The following IMMP1L variants were observed in gnomAD, a reference collection of about 807,000 sequenced individuals.
IMMP1L encodes the protein inner mitochondrial membrane peptidase subunit 1.
A neutral mutation model predicts 21.8 loss-of-function variants in IMMP1L; 24 were observed. The observed-to-expected ratio is 1.10, with a 90% CI of 0.80 to 1.55. The LOEUF (loss-of-function observed/expected upper bound fraction) is 1.55. Among genes scored for constraint, IMMP1L ranks in the 40% most tolerant of loss-of-function variants. The pLI is 0.00. For missense variants in IMMP1L, 195 were observed against 200.7 expected, an observed-to-expected ratio of 0.97 and a Z score of 0.17; for synonymous variants, 46 against 62.8, an observed-to-expected ratio of 0.73 and a Z score of 1.26.
At chr11:31,498,789 T>G (rs1158398314) in intron 1 of IMMP1L, among the ~76,000 whole-genome samples, 1 of 152,184 alleles carries the variant, frequency 6.6e-6, no homozygotes, top group Non-Finnish European at 1.5e-5. Context: ...TTTATGTGAC[T>G]CCATTAACTT....
Position 31,460,699 on chromosome 11 carries a change from T to G in IMMP1L, c.121A>C (p.Met41Leu). 6.2e-7 allele frequency: 1 copy of G among 1,607,308 alleles called. No homozygotes were observed. Among genetic ancestry groups the G allele is most frequent in the Non-Finnish European group, 8.5e-7 (1 of 1,174,216 alleles). The change falls in exon 3 of 6, where the codon ATG (methionine) becomes CTG (leucine). Residue 41 changes from methionine (M) to leucine (L), a missense_variant. Physicochemically the swap from Met to Leu is conservative, Grantham distance 15. Transcript: ENST00000532287. ...GGVVMCSGPS[M>L]EPTIQNSDIV... ...TCTGAATTTTGAATTGTAGGCTCCA[T>G]TGATGGTCCAGAACACTGAAAAGAG...
At chr11:31,477,962 C>G (rs559587525) in intron 1 of IMMP1L, among the ~76,000 whole-genome samples, 131 of 152,310 alleles carry the variant, frequency 8.6e-4, no homozygotes, top group Non-Finnish European at 1.3e-3. Context: ...AAAAAGGCAG[C>G]AGATTCTGCT....
chr11:31,507,338 T>A (rs945413671), intron 1 of IMMP1L, among the ~76,000 whole-genome samples: 1 of 152,172 alleles, frequency 6.6e-6, no homozygotes, highest in African/African-American at 2.4e-5. Context: ...ATATATATCC[T>A]AATTTCATGA....
intron 4 of IMMP1L, among the ~76,000 whole-genome samples, chr11:31,455,490 G>A (rs532819310): frequency 6.6e-6 from 1 of 152,234 alleles, no homozygotes; most frequent in South Asian, 2.1e-4. Flanking sequence ...TACTGTTCTT[G>A]CACTTTTTCT....
At chr11:31,488,778 G>A (rs1223099) in intron 1 of IMMP1L, among the ~76,000 whole-genome samples, 58,430 of 152,030 alleles carry the variant, frequency 0.38, 14,469 homozygotes, top group African/African-American at 0.71. Flanking sequence ...CAAAGGCAAA[G>A]CAATACGTTT....
intron 1 of IMMP1L, among the ~76,000 whole-genome samples, chr11:31,496,101 T>C (rs1171224472): frequency 1.1e-4 from 15 of 138,436 alleles, no homozygotes; most frequent in African/African-American, 4.4e-4. Flanking sequence ...AGAACTCCTA[T>C]AACTCAAAAA....
chr11:31,445,998 A>G (rs1953505936), intron 4 of IMMP1L, among the ~76,000 whole-genome samples: 1 of 152,176 alleles, frequency 6.6e-6, no homozygotes. Context: ...TGTAAAATTT[A>G]ATTGCCACAG....
chr11:31,443,297 G>C (rs1395847754), intron 4 of IMMP1L, among the ~76,000 whole-genome samples: 1 of 152,158 alleles, frequency 6.6e-6, no homozygotes, highest in Non-Finnish European at 1.5e-5. Context: ...TCAGTAAATA[G>C]TTGTTTACCC....
intron 3 of IMMP1L, 83 bp downstream of exon 3, chr11:31,460,537 TTAAAGA>T (rs1954102449): frequency 1.4e-6 from 1 of 717,072 alleles, no homozygotes; most frequent in South Asian, 1.9e-5. Context: ...GAAAGAGGTT[TTAAAGA>T]TAAAGTTAAG....
At chr11:31,491,390 G>A (rs555671038) in intron 1 of IMMP1L, among the ~76,000 whole-genome samples, 1 of 152,326 alleles carries the variant, frequency 6.6e-6, no homozygotes, top group Admixed American at 6.5e-5. Flanking sequence ...TCTCAAGAAG[G>A]AAATGAAGAA....
chr11:31,504,640 T>C lies in IMMP1L; in HGVS notation c.-30+4879A>G, dbSNP rs79181307. 1.1e-3 allele frequency among the ~76,000 whole-genome samples: 167 copies of C among 152,260 alleles called. No homozygotes were observed. In the East Asian group the frequency reaches 0.012, roughly 11 times the overall value. On this transcript the variant is annotated intron_variant, in intron 1 of 5. Transcript: ENST00000532287. ...AGAAATGGCCACAAATGGGAAACTATCCAAATCCCTTCTAACAGTAGAACA... is the reference window on the plus strand; with the variant it reads ...AGAAATGGCCACAAATGGGAAACTACCCAAATCCCTTCTAACAGTAGAACA...
intron 1 of IMMP1L, among the ~76,000 whole-genome samples, chr11:31,507,567 C>T (rs1312249959): frequency 6.6e-6 from 1 of 152,060 alleles, no homozygotes; most frequent in Non-Finnish European, 1.5e-5. Flanking sequence ...ATAAGTCAGA[C>T]ACAGAAAGAC....
At position 31,463,217 on chromosome 11, in the gene IMMP1L, G is replaced by A. The variant is rs767086495; in HGVS notation, c.60C>T (p.Gly20=). 1.2e-6 allele frequency: 2 copies of A among 1,611,944 alleles called. No individual in the cohort carries two copies. The highest frequency in any genetic ancestry group is 1.7e-6 in the Non-Finnish European group (2 of 1,178,618). The change falls in exon 2 of 6, where the codon GGC becomes GGT. Residue 20 remains glycine (G), a synonymous_variant. Transcript: ENST00000532287. ...FRLVGYTIQY[G]CIAHCAFEYV... ...ATTCAAAAGCACAATGAGCTATACA[G>A]CCATATTGAATAGTATAGCCAACAA... is the stretch of plus-strand genomic sequence containing the variant.
intron 1 of IMMP1L, among the ~76,000 whole-genome samples, chr11:31,487,227 C>T (rs543911706): frequency 1.1e-4 from 16 of 152,046 alleles, no homozygotes; most frequent in Non-Finnish European, 2.1e-4. Context: ...AAATAAGTTA[C>T]TATGCCTAAT....
chr11:31,480,304 T>C (rs1954853845), intron 1 of IMMP1L, among the ~76,000 whole-genome samples: 1 of 152,052 alleles, frequency 6.6e-6, no homozygotes, highest in African/African-American at 2.4e-5. Flanking sequence ...CATTATAAAT[T>C]ATTAGTAGGC....
rs553447560 is a variant in IMMP1L at position 31,438,326 on chromosome 11, C to T, written c.322-4756G>A. Reference sequence around the variant, plus strand: ...TGAAAGCATTTTTCCATTATGCATACTAGTATTATCTTTTGTGAAGTATCC... The same window carrying T: ...TGAAAGCATTTTTCCATTATGCATATTAGTATTATCTTTTGTGAAGTATCC... On this transcript the variant is annotated intron_variant, in intron 4 of 5. Transcript: ENST00000532287. 1.2e-4 allele frequency among the ~76,000 whole-genome samples: 19 copies of T among 152,216 alleles called. No homozygotes were observed. In the South Asian group the frequency reaches 3.9e-3, roughly 32 times the overall value.
chr11:31,449,836 G>A (rs1953679525), intron 4 of IMMP1L, among the ~76,000 whole-genome samples: 1 of 152,112 alleles, frequency 6.6e-6, no homozygotes, highest in Non-Finnish European at 1.5e-5. Flanking sequence ...GATATCTTTG[G>A]TAGCCCTCAG....
At chr11:31,493,418 C>G (rs907506053) in intron 1 of IMMP1L, among the ~76,000 whole-genome samples, 2 of 152,132 alleles carry the variant, frequency 1.3e-5, no homozygotes, top group African/African-American at 2.4e-5. Flanking sequence ...GTAACCCACC[C>G]CCGCCATGAT....
chr11:31,460,602 A>C lies in IMMP1L; in HGVS notation c.194+24T>G, dbSNP rs779720688. ...GTGTGTGTATTTTCACTGTAAATTT[A>C]ATATATCCATGACAGAAATTTACCT... On this transcript the variant is annotated intron_variant, in intron 3 of 5. Coordinates refer to ENST00000532287, the MANE Select transcript of IMMP1L (RefSeq NM_001304274.2). The C allele has an allele frequency of 1.1e-5, 16 of 1,422,856 alleles. No individual in the cohort carries two copies. In the South Asian group the frequency reaches 1.9e-4, roughly 17 times the overall value. The allele number at this position is 1,422,856 out of a possible 1,614,324, so 88.1% of individuals were successfully genotyped here. A position where few individuals can be genotyped will look rare whatever the true frequency, so the allele number is the denominator to read the frequency against.
Sources: allele counts gnomAD v4.1 joint callset (sites outside exome capture counted in the v4.1 genomes callset), GRCh38; gene constraint gnomAD v4.1.1; transcripts MANE v1.5; gene names NCBI Gene and HGNC (gene_info 2026-07-23, HGNC 2026-07-21).